MYO16: variants seen among roughly 807,000 people sequenced by gnomAD.
MYO16 encodes the protein unconventional myosin-XVI.
MYO16 carries 94 observed loss-of-function variants against 205.3 expected under a neutral mutation model. The observed-to-expected ratio is 0.46, with a 90% confidence interval of 0.39 to 0.54. The LOEUF (loss-of-function observed/expected upper bound fraction) is 0.54, where lower values mean the gene tolerates loss of function less well. Ranked by LOEUF, MYO16 falls within the 20% of genes least tolerant of loss-of-function variation. The pLI is 0.00. For missense variants in MYO16, 2,315 were observed against 2,387.5 expected, an observed-to-expected ratio of 0.97 and a Z score of 0.63; for synonymous variants, 988 against 954.0, an observed-to-expected ratio of 1.04 and a Z score of -0.66.
At chr13:108,887,978 C>A (rs1879980738) in intron 13 of MYO16, among the ~76,000 whole-genome samples, 1 of 152,102 alleles carries the variant, frequency 6.6e-6, no homozygotes, top group African/African-American at 2.4e-5. Flanking sequence ...TTTATGTTGA[C>A]TTGCTAAGCT....
chr13:109,037,049 T>C (rs1886741674), intron 23 of MYO16, among the ~76,000 whole-genome samples: 1 of 152,226 alleles, frequency 6.6e-6, no homozygotes, highest in African/African-American at 2.4e-5. Flanking sequence ...CAGACCTTTG[T>C]GTGTCAGCAG....
the MYO16 span, among the ~76,000 whole-genome samples, chr13:108,506,887 T>A: frequency 1.3e-5 from 2 of 152,186 alleles, no homozygotes; most frequent in African/African-American, 2.4e-5. Flanking sequence ...GAATTTTTTT[T>A]ACCATGAAAA....
chr13:109,035,086 G>A (rs567334669), intron 23 of MYO16, among the ~76,000 whole-genome samples: 32 of 152,086 alleles, frequency 2.1e-4, no homozygotes, highest in African/African-American at 2.7e-4. Flanking sequence ...ACTTTACCAC[G>A]CTCTCATTTT....
intron 33 of MYO16, among the ~76,000 whole-genome samples, chr13:109,172,760 A>G (rs1878973283): frequency 1.3e-5 from 2 of 152,238 alleles, no homozygotes; most frequent in Non-Finnish European, 2.9e-5. Context: ...TTATTCATAA[A>G]ATATTATGTG....
intron 6 of MYO16, among the ~76,000 whole-genome samples, chr13:108,794,477 TG>T (rs1886722233): frequency 6.6e-6 from 1 of 152,230 alleles, no homozygotes; most frequent in African/African-American, 2.4e-5. Flanking sequence ...GTTTTTGAAA[TG>T]TAACTTATAG....
intron 15 of MYO16, among the ~76,000 whole-genome samples, chr13:108,902,195 G>A (rs1880744917): frequency 6.6e-6 from 1 of 152,182 alleles, no homozygotes; most frequent in Non-Finnish European, 1.5e-5. Context: ...ATCAGAAGCT[G>A]CCATGGAACA....
At chr13:108,595,955 C>T (rs1443916270), upstream of MYO16, among the ~76,000 whole-genome samples, 1 of 146,668 alleles carries the variant, frequency 6.8e-6, no homozygotes, top group Admixed American at 6.9e-5. Context: ...CACTCCAGCT[C>T]TCCAGTCATA....
intron 5 of MYO16, among the ~76,000 whole-genome samples, chr13:108,793,285 C>CAAAAAAA (rs756851025): frequency 2.0e-5 from 2 of 98,882 alleles, no homozygotes; most frequent in African/African-American, 3.6e-5. Flanking sequence ...GACTCTGTCT[C>CAAAAAAA]AAAAAAAAAA....
intron 8 of MYO16, among the ~76,000 whole-genome samples, chr13:108,822,235 A>T (rs1876016769): frequency 6.6e-6 from 1 of 152,216 alleles, no homozygotes; most frequent in South Asian, 2.1e-4. Context: ...AATCTCCCAA[A>T]GTAAGAAAGC....
chr13:108,769,086 C>T (rs1011924852), intron 4 of MYO16, among the ~76,000 whole-genome samples: 10 of 152,158 alleles, frequency 6.6e-5, no homozygotes, highest in African/African-American at 2.4e-4. Context: ...ACAGATCTTG[C>T]AATCCAGGAG....
chr13:108,989,149 C>T (rs529685315), intron 20 of MYO16, among the ~76,000 whole-genome samples: 1 of 152,270 alleles, frequency 6.6e-6, no homozygotes, highest in African/African-American at 2.4e-5. Flanking sequence ...GGTCTACCAT[C>T]TTATTACAGG....
chr13:109,055,200 T>C lies in MYO16; in HGVS notation c.3129+74T>C. 4 of 1,299,786 alleles carry C rather than the reference T, an allele frequency of 3.1e-6. No individual in the cohort carries two copies. The highest frequency in any genetic ancestry group is 2.3e-5 in the East Asian group (1 of 43,024). The allele number at this position is 1,299,786 out of a possible 1,614,324, so 80.5% of individuals were successfully genotyped here. On this transcript the variant is annotated intron_variant, in intron 26 of 34. Coordinates refer to ENST00000457511, the MANE Select transcript of MYO16 (RefSeq NM_001198950.3). The surrounding 1 kb of genome is among the most constrained non-coding windows in gnomAD (Gnocchi z 5.0). The stretch of plus-strand genomic sequence containing the variant: ...CTAAAGAGGGTTTATGTAGACTTTT[T>C]TTTCCATTTTTGACAACTTAAATAT...
Position 108,910,000 on chromosome 13 carries a change from C to A in MYO16, c.1778-3C>A. ...ACAGAATCACTTTTCTTTTCCCAAC[C>A]AGCCAGAATTTATACATATTTGCTA... On this transcript the variant is annotated splice_region_variant and splice_polypyrimidine_tract_variant and intron_variant, in intron 15 of 34. Transcript: ENST00000457511. The A allele has an allele frequency of 6.2e-7, 1 of 1,608,346 alleles. No individual in the cohort carries two copies. The highest frequency in any genetic ancestry group is 1.1e-5 in the South Asian group (1 of 90,268).
At chr13:108,751,471 A>G (rs921331638) in intron 4 of MYO16, among the ~76,000 whole-genome samples, 4 of 152,230 alleles carry the variant, frequency 2.6e-5, no homozygotes, top group African/African-American at 9.6e-5. Flanking sequence ...GCGGTAGAAT[A>G]CACAAATCAA....
At chr13:108,856,182 A>G (rs182920550) in intron 11 of MYO16, among the ~76,000 whole-genome samples, 1 of 152,104 alleles carries the variant, frequency 6.6e-6, no homozygotes, top group African/African-American at 2.4e-5. Context: ...ATCAAAATCA[A>G]TCTCTTTCTC....
chr13:108,943,551 G>C (rs1278952247), intron 16 of MYO16, among the ~76,000 whole-genome samples: 1 of 152,010 alleles, frequency 6.6e-6, no homozygotes, highest in Non-Finnish European at 1.5e-5. Context: ...TCTGCCTCCT[G>C]GGTTTAAGCG....
At chr13:109,181,390 C>T (rs2139920017) in intron 34 of MYO16, among the ~76,000 whole-genome samples, 1 of 152,344 alleles carries the variant, frequency 6.6e-6, no homozygotes, top group South Asian at 2.1e-4. Flanking sequence ...GAATTTATTG[C>T]TCATGTGACA....
intron 4 of MYO16, among the ~76,000 whole-genome samples, chr13:108,767,602 T>G (rs1885824700): frequency 1.3e-5 from 2 of 152,288 alleles, no homozygotes; most frequent in South Asian, 4.1e-4. Flanking sequence ...ATTTCTTGCC[T>G]TTAATTGAAA....
chr13:108,934,265 T>G (rs919375917), intron 16 of MYO16, among the ~76,000 whole-genome samples: 2 of 152,198 alleles, frequency 1.3e-5, no homozygotes, highest in Non-Finnish European at 1.5e-5. Context: ...TATTGTTTTT[T>G]GACTTTTTAA....
Sources: allele counts gnomAD v4.1 joint callset (sites outside exome capture counted in the v4.1 genomes callset), GRCh38; gene constraint gnomAD v4.1.1; non-coding constraint Gnocchi (gnomAD v3.1); transcripts MANE v1.5; gene names NCBI Gene and HGNC (gene_info 2026-07-23, HGNC 2026-07-21).